HEATR5B: variants seen among roughly 807,000 people sequenced by gnomAD.
HEATR5B encodes HEAT repeat-containing protein 5B.
A neutral mutation model predicts 224.1 loss-of-function variants in HEATR5B; 156 were observed. The observed-to-expected ratio is 0.70, with a 90% CI of 0.61 to 0.80. HEATR5B has a LOEUF of 0.80. Ranked by LOEUF, HEATR5B falls within the 30% of genes least tolerant of loss-of-function variation. The pLI is 0.00. For missense variants in HEATR5B, 2,323 were observed against 2,535.5 expected, an observed-to-expected ratio of 0.92 and a Z score of 1.80; for synonymous variants, 1,027 against 893.0, an observed-to-expected ratio of 1.15 and a Z score of -2.68.
In HEATR5B at chr2:37,019,837, G is replaced by A. The variant is rs1391981907; in HGVS notation, c.4076C>T (p.Pro1359Leu). The part of the protein sequence containing the change: ...ALRPAFSQDT[P>L]SDIIAKACQV... ...GCAAGCTTTCGCTATTATATCTGATGGTGTATCTTGTGAAAAGGCTGGTCT... is the reference window on the plus strand; with the variant it reads ...GCAAGCTTTCGCTATTATATCTGATAGTGTATCTTGTGAAAAGGCTGGTCT... The change falls in exon 26 of 36, where the codon CCA (proline) becomes CTA (leucine). Residue 1359 changes from proline (P) to leucine (L), a missense_variant. By Grantham distance (98) the Pro-to-Leu change is moderately conservative. This residue lies in a region of HEATR5B where 339 missense variants were observed against 378.4 expected (regional missense o/e 0.90). Transcript: ENST00000233099. 1 of 1,609,954 alleles carries A rather than the reference G, an allele frequency of 6.2e-7. No individual in the cohort carries two copies. The highest frequency in any genetic ancestry group is 8.5e-7 in the Non-Finnish European group (1 of 1,177,886).
At chr2:37,068,256 C>T (rs1202993195) in intron 8 of HEATR5B, among the ~76,000 whole-genome samples, 1 of 152,054 alleles carries the variant, frequency 6.6e-6, no homozygotes, top group Non-Finnish European at 1.5e-5. Flanking sequence ...CATCTTACAG[C>T]GGGCTAATAA....
chr2:37,004,209 A>C (rs1667269363), intron 30 of HEATR5B, among the ~76,000 whole-genome samples: 1 of 152,058 alleles, frequency 6.6e-6, no homozygotes, highest in African/African-American at 2.4e-5. Context: ...GAAAAGACTT[A>C]ACTGCAACCA....
At chr2:36,984,215 A>AAAAAAAAAAAAAAAAATATATAT in intron 35 of HEATR5B, among the ~76,000 whole-genome samples, 5 of 77,644 alleles carry the variant, frequency 6.4e-5, no homozygotes, top group East Asian at 6.2e-4. Context: ...AAAAAAAAAA[A>AAAAAAAAAAAAAAAAATATATAT]ATATATATAT....
intron 20 of HEATR5B, among the ~76,000 whole-genome samples, chr2:37,038,925 A>C (rs1669700366): frequency 4.7e-5 from 7 of 147,578 alleles, no homozygotes; most frequent in Admixed American, 1.3e-4. Context: ...GTGGGGAATC[A>C]CATATTTTTC....
chr2:37,074,318 T>A (rs1275319079), intron 5 of HEATR5B, among the ~76,000 whole-genome samples: 2 of 124,758 alleles, frequency 1.6e-5, no homozygotes, highest in Admixed American at 9.1e-5. Flanking sequence ...CAAGACTCCA[T>A]CTCAAAAAAA....
rs1558757454 is a variant in HEATR5B at position 37,032,650 on chromosome 2, CCCCTG to C, written c.3335_3339del (p.Thr1112ArgfsTer6). Reference sequence around the variant, plus strand: ...TTACTGGCACTACTGCTCTCTTTGTCCCCTGTATTTTTTGCCAGGCTCATGGCATA... The same window carrying C: ...TTACTGGCACTACTGCTCTCTTTGTCTATTTTTTGCCAGGCTCATGGCATA... On this transcript the variant is annotated frameshift_variant, in exon 22 of 36. Coordinates refer to ENST00000233099, the MANE Select transcript of HEATR5B (RefSeq NM_019024.3). LOFTEE classifies it high-confidence loss of function. 6.2e-7 allele frequency: 1 copy of C among 1,613,688 alleles called. No individual in the cohort carries two copies. The highest frequency in any genetic ancestry group is 1.7e-5 in the Admixed American group (1 of 59,916).
At chr2:37,063,635 T>G (rs1268779920) in intron 10 of HEATR5B, among the ~76,000 whole-genome samples, 1 of 152,116 alleles carries the variant, frequency 6.6e-6, no homozygotes, top group Non-Finnish European at 1.5e-5. Context: ...GCAACTGCTA[T>G]GAATGGACAT....
At chr2:37,078,994 T>G (rs1409446511) in intron 3 of HEATR5B, 126 bp downstream of exon 3, 1 of 585,240 alleles carries the variant, frequency 1.7e-6, no homozygotes, top group Non-Finnish European at 3.0e-6. Flanking sequence ...CACTTAGAGC[T>G]CTCACTGTTA....
chr2:37,024,357 T>C (rs1668642037), intron 24 of HEATR5B, among the ~76,000 whole-genome samples: 1 of 152,328 alleles, frequency 6.6e-6, no homozygotes, highest in South Asian at 2.1e-4. Context: ...CAATACACTG[T>C]ATTCTTGAAA....
rs750382383 is a variant in HEATR5B at position 37,005,615 on chromosome 2, A to G, written c.4905+17T>C. ...AAAAAAAACCACACAAGTATCTATC[A>G]TAGCAATACACTGTACCTGATCTTC... On this transcript the variant is annotated intron_variant, in intron 30 of 35. Coordinates refer to ENST00000233099, the MANE Select transcript of HEATR5B (RefSeq NM_019024.3). 3.1e-6 allele frequency: 5 copies of G among 1,610,014 alleles called. No individual in the cohort carries two copies. The highest frequency in any genetic ancestry group is 4.2e-6 in the Non-Finnish European group (5 of 1,177,996).
In HEATR5B at chr2:37,002,531, C is replaced by G; in HGVS notation, c.5092G>C (p.Glu1698Gln). The stretch of plus-strand genomic sequence containing the variant: ...ATGAGACCACCGCTGTCACCTCCTT[C>G]TCCCAATACGGTACAGGCCTCTTTT... Reference protein sequence around the residue: ...MEKEACTVLGEGGDSGGLIPG... With the variant: ...MEKEACTVLGQGGDSGGLIPG... Residue 1698 changes from glutamate to glutamine, a missense_variant, in exon 32 of 36, where the codon GAA becomes CAA. Physicochemically the swap from Glu to Gln is conservative, Grantham distance 29 (BLOSUM62 2). Coordinates refer to ENST00000233099, the MANE Select transcript of HEATR5B (RefSeq NM_019024.3). 2 of 1,614,202 alleles carry G rather than the reference C, an allele frequency of 1.2e-6. No homozygotes were observed. The highest frequency in any genetic ancestry group is 1.7e-6 in the Non-Finnish European group (2 of 1,180,016).
In HEATR5B at chr2:37,038,031, C is replaced by G. The variant is rs772409604; in HGVS notation, c.3047-7G>C. ...GAAGTTGTTGCTCCATTCCCTGGTG[C>G]AAAATGAAAGAAAATATAAAATATA... On this transcript the variant is annotated splice_region_variant and splice_polypyrimidine_tract_variant and intron_variant, in intron 20 of 35. Transcript: ENST00000233099. The G allele has an allele frequency of 1.8e-5, 26 of 1,468,082 alleles. 1 individual carries two copies. The South Asian group carries it at 3.6e-4, about 21-fold the overall frequency. 90.9% of individuals were successfully genotyped at this position (1,468,082 alleles called of 1,614,324 possible).
At chr2:37,065,075 G>T in intron 9 of HEATR5B, 85 bp from the exon 10 acceptor site, 2 of 1,360,762 alleles carry the variant, frequency 1.5e-6, no homozygotes, top group Non-Finnish European at 2.0e-6. Flanking sequence ...AACAATAACT[G>T]AAATGACAAT....
At chr2:37,032,117 C>T (rs1401444138) in intron 22 of HEATR5B, among the ~76,000 whole-genome samples, 2 of 152,344 alleles carry the variant, frequency 1.3e-5, no homozygotes, top group East Asian at 3.8e-4. Flanking sequence ...CTAACTACCA[C>T]CCAGAACTGG....
chr2:37,020,740 G>T lies in HEATR5B; in HGVS notation c.3950C>A (p.Ala1317Glu), dbSNP rs1439511846. Reference sequence around the variant, plus strand: ...AAACTTCTTGATAATGTCTTCAAGCGCCTGGAGCCCAGCCATTCGCAGCTG... The same window carrying T: ...AAACTTCTTGATAATGTCTTCAAGCTCCTGGAGCCCAGCCATTCGCAGCTG... ...SNQLRMAGLQ[A>E]LEDIIKKFAS... Residue 1317 changes from alanine to glutamate, a missense_variant, in exon 25 of 36, where the codon GCG becomes GAG. By Grantham distance (107) the Ala-to-Glu change is moderately radical. This residue lies in a region of HEATR5B where 339 missense variants were observed against 378.4 expected (regional missense o/e 0.90). Transcript: ENST00000233099. 6.2e-7 allele frequency: 1 copy of T among 1,609,838 alleles called. No homozygotes were observed. Among genetic ancestry groups the T allele is most frequent in the African/African-American group, 1.3e-5 (1 of 74,606 alleles).
At chr2:37,062,514 T>C (rs1347175850) in intron 10 of HEATR5B, among the ~76,000 whole-genome samples, 1 of 152,198 alleles carries the variant, frequency 6.6e-6, no homozygotes, top group Non-Finnish European at 1.5e-5. Context: ...TTGATTGCAC[T>C]GATGACTCTG....
chr2:37,035,779 G>A (rs1218206475), intron 21 of HEATR5B, among the ~76,000 whole-genome samples: 1 of 152,124 alleles, frequency 6.6e-6, no homozygotes, highest in South Asian at 2.1e-4. Context: ...CCATATAAAT[G>A]CATATGCCTC....
chr2:37,065,973 C>A, intron 8 of HEATR5B, 63 bp from the exon 9 acceptor site: 1 of 1,485,122 alleles, frequency 6.7e-7, no homozygotes. Flanking sequence ...TTTTTTTGGT[C>A]TATACAATTT....
At chr2:37,029,589 A>G (rs1668991263) in intron 22 of HEATR5B, among the ~76,000 whole-genome samples, 1 of 151,922 alleles carries the variant, frequency 6.6e-6, no homozygotes, top group Non-Finnish European at 1.5e-5. Context: ...ACCTGAACCC[A>G]AGAGGCGGAT....
Sources: allele counts gnomAD v4.1 joint callset (sites outside exome capture counted in the v4.1 genomes callset), GRCh38; gene constraint gnomAD v4.1.1; regional missense constraint gnomAD v4.1.1; transcripts MANE v1.5; gene names NCBI Gene and HGNC (gene_info 2026-07-23, HGNC 2026-07-21).